SPEG: variants seen among roughly 807,000 people sequenced by gnomAD.
SPEG encodes striated muscle preferentially expressed protein kinase.
In SPEG, 114 loss-of-function variants were observed where a neutral mutation model predicts 300.4. That is an observed-to-expected ratio of 0.38 (90% CI 0.33 to 0.44). The LOEUF is 0.44. Ranked by LOEUF, SPEG falls within the 20% of genes least tolerant of loss-of-function variation. The probability of loss-of-function intolerance (pLI) is 1.00; values close to 1 mark genes in which losing one functional copy is unlikely to be tolerated. For missense variants in SPEG, 4,201 were observed against 4,586.2 expected (o/e 0.92, Z 2.43); for synonymous variants, 1,964 against 2,018.9 (o/e 0.97, Z 0.73).
intron 6 of SPEG, among the ~76,000 whole-genome samples, chr2:219,455,162 T>C (rs1329260260): frequency 6.6e-6 from 1 of 152,212 alleles, no homozygotes; most frequent in Non-Finnish European, 1.5e-5. Context: ...GCTTCATATA[T>C]ACCAGGCCCT....
chr2:219,484,455 C>T lies in SPEG; in HGVS notation c.6992C>T (p.Ala2331Val). The change falls in exon 30 of 41, where the codon GCC becomes GTC. Residue 2331 changes from alanine to valine, a missense_variant. Coordinates refer to ENST00000312358, the MANE Select transcript of SPEG (RefSeq NM_005876.5). ...SSSIENLESE[A>V]VFEAKFKRSR... ...AGCATCGAAAACTTGGAGTCGGAGG[C>T]CGTGTTCGAGGCCAAGTTCAAGCGC... is the stretch of plus-strand genomic sequence containing the variant. The T allele has an allele frequency of 6.2e-7, 1 of 1,611,348 alleles. No homozygotes were observed. The highest frequency in any genetic ancestry group is 8.5e-7 in the Non-Finnish European group (1 of 1,179,776).
Position 219,434,850 on chromosome 2 carries a change from G to C in SPEG, c.-128G>C. On this transcript the variant is annotated 5_prime_UTR_variant, in exon 1 of 41. Transcript: ENST00000312358. ...CCCGGTGACCTTCTGGGTAGCACAG[G>C]CCGAAGGCGGGCGGGCAGCAGGAAG... is the stretch of plus-strand genomic sequence containing the variant. 1 of 620,846 alleles carries C rather than the reference G, an allele frequency of 1.6e-6. No individual in the cohort carries two copies. The highest frequency in any genetic ancestry group is 2.6e-6 in the Non-Finnish European group (1 of 385,242). The allele number at this position is 620,846 out of a possible 1,614,324, so 38.5% of individuals were successfully genotyped here.
rs955737132 is a variant in SPEG, at chr2:219,483,319, C to T, written c.5856C>T (p.Asp1952=). ...EFSGSRVSLT[D]IPTEDEALGT... Reference sequence around the variant, plus strand: ...CTGGCTCCCGGGTGTCCCTCACAGACATTCCCACTGAGGATGAGGCCCTGG... The same window carrying T: ...CTGGCTCCCGGGTGTCCCTCACAGATATTCCCACTGAGGATGAGGCCCTGG... The change falls in exon 30 of 41, where the codon GAC becomes GAT. Residue 1952 remains aspartate, a synonymous_variant. Coordinates refer to ENST00000312358, the MANE Select transcript of SPEG (RefSeq NM_005876.5). 1.2e-6 allele frequency: 2 copies of T among 1,606,758 alleles called. No homozygotes were observed. Among genetic ancestry groups the T allele is most frequent in the South Asian group, 1.1e-5 (1 of 90,130 alleles).
intron 13 of SPEG, among the ~76,000 whole-genome samples, chr2:219,470,050 C>A (rs1051001246): frequency 6.6e-6 from 1 of 152,158 alleles, no homozygotes; most frequent in African/African-American, 2.4e-5. Flanking sequence ...GTCTGCCCCC[C>A]TCCCATAAGA....
chr2:219,466,394 C>T (rs1344569978), intron 9 of SPEG: 8 of 1,353,392 alleles, frequency 5.9e-6, no homozygotes, highest in Non-Finnish European at 7.6e-6. Flanking sequence ...GCATGTGCTA[C>T]TGCTGCTACA....
At chr2:219,488,023 A>G (rs1693601714) in intron 31 of SPEG, among the ~76,000 whole-genome samples, 171 bp from the exon 32 acceptor site, 1 of 152,202 alleles carries the variant, frequency 6.6e-6, no homozygotes, top group South Asian at 2.1e-4. Flanking sequence ...CTTGCCCCAA[A>G]GAAAATTATC....
chr2:219,468,678 C>T lies in SPEG; in HGVS notation c.3243C>T (p.Ala1081=), dbSNP rs544385672. The T allele has an allele frequency of 1.2e-6, 2 of 1,614,138 alleles. No homozygotes were observed. The highest frequency in any genetic ancestry group is 2.2e-5 in the East Asian group (1 of 44,890). ...EDVEVLEGRA[A]RFDCKISGTP... Reference sequence around the variant, plus strand: ...TGGAGGTGTTGGAGGGCCGAGCTGCCCGTTTCGACTGCAAGATCAGTGGCA... The same window carrying T: ...TGGAGGTGTTGGAGGGCCGAGCTGCTCGTTTCGACTGCAAGATCAGTGGCA... Residue 1081 remains alanine, a synonymous_variant, in exon 11 of 41, where the codon GCC becomes GCT. Transcript: ENST00000312358.
At chr2:219,478,955 C>T (rs974916825) in intron 22 of SPEG, among the ~76,000 whole-genome samples, 189 bp from the exon 23 acceptor site, 1 of 152,168 alleles carries the variant, frequency 6.6e-6, no homozygotes, top group South Asian at 2.1e-4. Flanking sequence ...AGGGATGACC[C>T]ACCTGTGCCC....
Position 219,449,015 on chromosome 2 carries a change from A to G in SPEG, c.1857A>G (p.Pro619=). 6.6e-7 allele frequency: 1 copy of G among 1,508,706 alleles called. No homozygotes were observed. Among genetic ancestry groups the G allele is most frequent in the Admixed American group, 2.1e-5 (1 of 46,574 alleles). The allele number at this position is 1,508,706 out of a possible 1,614,324, so 93.5% of individuals were successfully genotyped here. A position where few individuals can be genotyped will look rare whatever the true frequency, so the allele number is the denominator to read the frequency against. The change falls in exon 4 of 41, where the codon CCA becomes CCG. Residue 619 remains proline, a synonymous_variant. Transcript: ENST00000312358. ...TGCCGCCCCCCGCCGCCGATCCCCC[A>G]GAGGCCAGGACGAAAGCACCCCCCG... The part of the protein sequence containing the change: ...SPVPPPAADP[P]EARTKAPPGR...
At position 219,473,066 on chromosome 2, in the gene SPEG, C is replaced by A. The variant is rs200713879; in HGVS notation, c.4117C>A (p.Pro1373Thr). ...CAAGAGCAGCAGCAAGCCCTCACCC[C>A]CTTCTGAGCCTGTGCAGCTGCTGGA... ...TVKSSSKPSP[P>T]SEPVQLLEHG... The change falls in exon 16 of 41, where the codon CCT becomes ACT. Residue 1373 changes from proline to threonine, a missense_variant. Transcript: ENST00000312358. The surrounding 1 kb of genome is among the most constrained non-coding windows in gnomAD (Gnocchi z 4.6). 7.4e-6 allele frequency: 12 copies of A among 1,613,776 alleles called. No homozygotes were observed. Among genetic ancestry groups the A allele is most frequent in the East Asian group, 6.7e-5 (3 of 44,878 alleles).
At position 219,435,038 on chromosome 2, in the gene SPEG, G is replaced by A; in HGVS notation, c.61G>A (p.Gly21Arg). Residue 21 changes from glycine (G) to arginine (R), a missense_variant, in exon 1 of 41, where the codon GGA becomes AGA. Physicochemically the swap from Gly to Arg is moderately radical, Grantham distance 125. Coordinates refer to ENST00000312358, the MANE Select transcript of SPEG (RefSeq NM_005876.5). ...DAGTRAPPSPGVPPKRAKVGA... is the reference protein window; with the variant it reads ...DAGTRAPPSPRVPPKRAKVGA... ...GGGCACGAGGGCACCCCCCAGCCCC[G>A]GAGTGCCCCCGAAAAGGGCCAAGGT... is the stretch of plus-strand genomic sequence containing the variant. The A allele has an allele frequency of 3.3e-6, 5 of 1,495,130 alleles. No homozygotes were observed. The highest frequency in any genetic ancestry group is 4.4e-6 in the Non-Finnish European group (5 of 1,130,642). The allele number at this position is 1,495,130 out of a possible 1,614,324, so 92.6% of individuals were successfully genotyped here.
rs542079578 is a variant in SPEG, at chr2:219,480,401, C to A, written c.5342+261C>A. Among the ~76,000 whole-genome samples, 2 of 152,128 alleles carry A rather than the reference C, an allele frequency of 1.3e-5. No individual in the cohort carries two copies. Among genetic ancestry groups the A allele is most frequent in the East Asian group, 3.9e-4 (2 of 5,186 alleles). ...CCGGGCCTTCCCCTCAGCATTCAGC[C>A]TGCCTCCTCCAGTAAGGCAGGCATG... On this transcript the variant is annotated intron_variant, in intron 25 of 40. Coordinates refer to ENST00000312358, the MANE Select transcript of SPEG (RefSeq NM_005876.5). The surrounding 1 kb of genome is among the most constrained non-coding windows in gnomAD (Gnocchi z 5.3).
Position 219,444,998 on chromosome 2 carries a change from A to AC in SPEG, c.654dup (p.Gly219ArgfsTer19). 1 of 1,611,006 alleles carries AC rather than the reference A, an allele frequency of 6.2e-7. No homozygotes were observed. The highest frequency in any genetic ancestry group is 8.5e-7 in the Non-Finnish European group (1 of 1,178,944). On this transcript the variant is annotated frameshift_variant, in exon 3 of 41. Coordinates refer to ENST00000312358, the MANE Select transcript of SPEG (RefSeq NM_005876.5). LOFTEE classifies it high-confidence loss of function. The surrounding 1 kb of genome is among the most constrained non-coding windows in gnomAD (Gnocchi z 7.8). ...GGGCAGCCCAAGGCAAGCACAGGCAACCGGGGCCGGGCCACGGCACCTGGG... is the reference window on the plus strand; with the variant it reads ...GGGCAGCCCAAGGCAAGCACAGGCAACCCGGGGCCGGGCCACGGCACCTGGG...
At position 219,480,589 on chromosome 2, in the gene SPEG, T is replaced by C; in HGVS notation, c.5343-82T>C. On this transcript the variant is annotated intron_variant, in intron 25 of 40. Transcript: ENST00000312358. This position sits in a 1 kb window ranked among gnomAD's most constrained non-coding sequence, Gnocchi z 5.3. ...TGTTCCCAGGGAGGTAACAGCTCAC[T>C]CAGGTCAGCAGTAGCAAAGAACTGC... The C allele has an allele frequency of 7.0e-7, 1 of 1,435,778 alleles. No homozygotes were observed. Among genetic ancestry groups the C allele is most frequent in the Non-Finnish European group, 9.8e-7 (1 of 1,018,106 alleles). The allele number at this position is 1,435,778 out of a possible 1,614,324, so 88.9% of individuals were successfully genotyped here.
chr2:219,441,384 G>A, intron 1 of SPEG: 1 of 373,862 alleles, frequency 2.7e-6, no homozygotes, highest in South Asian at 1.9e-5. Flanking sequence ...GCTTTCTTGA[G>A]AAGCCTTAGG....
chr2:219,484,110 C>G lies in SPEG; in HGVS notation c.6647C>G (p.Pro2216Arg). The change falls in exon 30 of 41, where the codon CCA (proline) becomes CGA (arginine). Residue 2216 changes from proline (P) to arginine (R), a missense_variant. Coordinates refer to ENST00000312358, the MANE Select transcript of SPEG (RefSeq NM_005876.5). ...PAPQPAQDKA[P>R]EPRPEPVRAS... Reference sequence around the variant, plus strand: ...CCCCAGCCTGCCCAAGACAAGGCTCCAGAGCCCAGGCCAGAACCAGTCCGA... The same window carrying G: ...CCCCAGCCTGCCCAAGACAAGGCTCGAGAGCCCAGGCCAGAACCAGTCCGA... 1 of 1,613,636 alleles carries G rather than the reference C, an allele frequency of 6.2e-7. No homozygotes were observed. Among genetic ancestry groups the G allele is most frequent in the East Asian group, 2.2e-5 (1 of 44,874 alleles).
At position 219,479,014 on chromosome 2, in the gene SPEG, C is replaced by A. The variant is rs1692587426; in HGVS notation, c.5028-130C>A. 2.6e-6 allele frequency: 2 copies of A among 755,252 alleles called. No individual in the cohort carries two copies. The highest frequency in any genetic ancestry group is 1.7e-5 in the African/African-American group (1 of 58,472). The allele number at this position is 755,252 out of a possible 1,614,324, so 46.8% of individuals were successfully genotyped here. On this transcript the variant is annotated intron_variant, in intron 22 of 40. Coordinates refer to ENST00000312358, the MANE Select transcript of SPEG (RefSeq NM_005876.5). This position sits in a 1 kb window ranked among gnomAD's most constrained non-coding sequence, Gnocchi z 5.5. Reference sequence around the variant, plus strand: ...GGGTACACGTGGAGGAGCGGAGAGGCAGTCTCTGGCTAGTATCAAGCATTC... The same window carrying A: ...GGGTACACGTGGAGGAGCGGAGAGGAAGTCTCTGGCTAGTATCAAGCATTC...
Position 219,444,740 on chromosome 2 carries a change from C to G in SPEG, c.476C>G (p.Thr159Arg). ...LRDDGAFSTPTGGSDTLVGTS... is the reference protein window; with the variant it reads ...LRDDGAFSTPRGGSDTLVGTS... ...GATGACGGGGCCTTCAGCACCCCCA[C>G]GGGTGAGCTCCTGGGGTGTACAAAG... The change falls in exon 2 of 41, where the codon ACG becomes AGG. Residue 159 changes from threonine (T) to arginine (R), a missense_variant and splice_region_variant. By Grantham distance (71) the Thr-to-Arg change is moderately conservative. Around this residue, in one of 4 missense-constraint regions of SPEG, gnomAD observed 1,258 missense variants for 1,293.9 expected, o/e 0.97. Transcript: ENST00000312358. This position sits in a 1 kb window ranked among gnomAD's most constrained non-coding sequence, Gnocchi z 7.8. The G allele has an allele frequency of 6.2e-7, 1 of 1,613,796 alleles. No homozygotes were observed. The highest frequency in any genetic ancestry group is 8.5e-7 in the Non-Finnish European group (1 of 1,179,790).
In SPEG at chr2:219,448,672, C is replaced by T. The variant is rs761759599; in HGVS notation, c.1514C>T (p.Thr505Met). The T allele has an allele frequency of 5.8e-5, 86 of 1,492,436 alleles. 2 individuals are homozygous for T. The South Asian group carries it at 1.1e-3, about 18-fold the overall frequency. 92.4% of individuals were successfully genotyped at this position (1,492,436 alleles called of 1,614,324 possible). A position where few individuals can be genotyped will look rare whatever the true frequency, so the allele number is the denominator to read the frequency against. The part of the protein sequence containing the change: ...AQELGRIRRS[T>M]SREELVRSHE... ...GAGCTGGGCCGCATCCGCCGCTCCA[C>T]GTCGCGGGAGGAGCTGGTGCGCTCG... is the stretch of plus-strand genomic sequence containing the variant. The change falls in exon 4 of 41, where the codon ACG (threonine) becomes ATG (methionine). Residue 505 changes from threonine to methionine, a missense_variant. Physicochemically the swap from Thr to Met is moderately conservative, Grantham distance 81. Transcript: ENST00000312358.
Sources: allele counts gnomAD v4.1 joint callset (sites outside exome capture counted in the v4.1 genomes callset), GRCh38; gene constraint gnomAD v4.1.1; regional missense constraint gnomAD v4.1.1; non-coding constraint Gnocchi (gnomAD v3.1); transcripts MANE v1.5; gene names NCBI Gene and HGNC (gene_info 2026-07-23, HGNC 2026-07-21).